STARD13: variants seen among roughly 807,000 people sequenced by gnomAD.
The protein encoded by STARD13 is StAR related lipid transfer domain containing 13.
Under a neutral mutation model 106.4 loss-of-function variants are expected in STARD13, and 62 were observed. The ratio of observed to expected loss-of-function variants is 0.58; its 90% CI spans 0.48 to 0.72. The LOEUF is 0.72. STARD13 is among the 30% of genes least tolerant of loss of function. STARD13 has a pLI of 0.00. For synonymous variants in STARD13, 565 were observed against 553.0 expected (o/e 1.02, Z -0.31); for missense variants, 1,387 against 1,424.0 (o/e 0.97, Z 0.42).
chr13:33,464,016 A>C, the STARD13 span, among the ~76,000 whole-genome samples: 33,588 of 129,094 alleles, frequency 0.26, 4,455 homozygotes, highest in Non-Finnish European at 0.35. Context: ...CGTCTCAAAA[A>C]AAAAATACAT....
At chr13:33,415,724 CA>C in the STARD13 span, among the ~76,000 whole-genome samples, 1 of 151,820 alleles carries the variant, frequency 6.6e-6, no homozygotes, top group African/African-American at 2.4e-5. Flanking sequence ...AAATAAAGGC[CA>C]AAAGCTTATA....
chr13:33,439,743 A>C, the STARD13 span: 1 of 1,207,850 alleles, frequency 8.3e-7, no homozygotes, highest in Non-Finnish European at 1.1e-6. Context: ...AAACAGTATC[A>C]CTCTTAATAT....
chr13:33,499,614 T>C, the STARD13 span, among the ~76,000 whole-genome samples: 4 of 79,012 alleles, frequency 5.1e-5, no homozygotes, highest in Admixed American at 1.3e-4. Flanking sequence ...TTTCTTCTTC[T>C]TCTTCTTCTT....
chr13:33,342,635 A>G (rs754701231), intron 1 of STARD13, among the ~76,000 whole-genome samples: 1 of 151,872 alleles, frequency 6.6e-6, no homozygotes, highest in Admixed American at 6.6e-5. Flanking sequence ...GGCAAGAGCT[A>G]TCTTCCCGCC....
the STARD13 span, among the ~76,000 whole-genome samples, chr13:33,670,042 T>C: frequency 6.6e-6 from 1 of 152,038 alleles, no homozygotes; most frequent in African/African-American, 2.4e-5. Context: ...ACTTTTGGAG[T>C]GGGAAGTGTT....
chr13:33,408,629 A>G, the STARD13 span, among the ~76,000 whole-genome samples: 1 of 152,166 alleles, frequency 6.6e-6, no homozygotes, highest in South Asian at 2.1e-4. Context: ...CAAAGGTACA[A>G]CAATGTATAT....
chr13:33,642,059 CCTT>C, the STARD13 span, among the ~76,000 whole-genome samples: 3 of 152,090 alleles, frequency 2.0e-5, no homozygotes, highest in Non-Finnish European at 2.9e-5. Context: ...TTGTGTCTTC[CCTT>C]CTTTTCTTTC....
chr13:33,375,281 CTAAG>C, the STARD13 span, among the ~76,000 whole-genome samples: 2 of 152,006 alleles, frequency 1.3e-5, no homozygotes, highest in Non-Finnish European at 2.9e-5. Context: ...AAAGGGAAGA[CTAAG>C]TGAGGGGACA....
the STARD13 span, among the ~76,000 whole-genome samples, chr13:33,519,654 T>A: frequency 1.3e-5 from 2 of 152,088 alleles, no homozygotes; most frequent in African/African-American, 4.8e-5. Flanking sequence ...CATTACATAA[T>A]TTTTTTAGCA....
upstream of STARD13, chr13:33,350,783 C>T: frequency 2.4e-6 from 1 of 423,610 alleles, no homozygotes; most frequent in Non-Finnish European, 3.2e-6. Context: ...CTTCCCCTTC[C>T]CTCCCTCGCC....
chr13:33,432,089 TA>T, the STARD13 span, among the ~76,000 whole-genome samples: 1 of 151,614 alleles, frequency 6.6e-6, no homozygotes, highest in Admixed American at 6.6e-5. Flanking sequence ...CAAGGAAAAA[TA>T]GGGGTGATTA....
the STARD13 span, among the ~76,000 whole-genome samples, chr13:33,599,867 C>CA: frequency 6.6e-6 from 1 of 152,204 alleles, no homozygotes; most frequent in Admixed American, 6.5e-5. Context: ...TGATGGATTA[C>CA]AACCATTAGC....
the STARD13 span, among the ~76,000 whole-genome samples, chr13:33,573,809 G>C: frequency 6.6e-6 from 1 of 152,104 alleles, no homozygotes; most frequent in Non-Finnish European, 1.5e-5. Context: ...GGACCGTCTC[G>C]CTGGGTGTTA....
intron 3 of STARD13, chr13:33,158,755 G>A (rs560970289): frequency 5.3e-5 from 8 of 152,146 alleles, no homozygotes; most frequent in Non-Finnish European, 1.0e-4. Context: ...GCCGTTCCCC[G>A]CGGACTGGAG....
downstream of STARD13, among the ~76,000 whole-genome samples, chr13:33,347,713 G>A (rs780326753): frequency 6.6e-6 from 1 of 152,160 alleles, no homozygotes; most frequent in Non-Finnish European, 1.5e-5. Context: ...ATCCAGGTTT[G>A]TGTAAATACA....
chr13:33,499,082 G>C, the STARD13 span, among the ~76,000 whole-genome samples: 1 of 152,198 alleles, frequency 6.6e-6, no homozygotes, highest in African/African-American at 2.4e-5. Flanking sequence ...AAGCAGCAGT[G>C]AGCCAAGATC....
At chr13:33,635,684 A>AC in the STARD13 span, among the ~76,000 whole-genome samples, 1 of 148,454 alleles carries the variant, frequency 6.7e-6, no homozygotes, top group African/African-American at 2.5e-5. Context: ...AAACAAACAA[A>AC]AAAAACACTT....
intron 1 of STARD13, among the ~76,000 whole-genome samples, chr13:33,338,960 G>A (rs2077928892): frequency 2.0e-5 from 3 of 151,956 alleles, no homozygotes; most frequent in Non-Finnish European, 1.5e-5. Flanking sequence ...GAAATGGGTG[G>A]TTTCGGGTGG....
At chr13:33,342,117 T>C (rs1386683349) in intron 1 of STARD13, among the ~76,000 whole-genome samples, 2 of 152,150 alleles carry the variant, frequency 1.3e-5, no homozygotes, top group African/African-American at 4.8e-5. Flanking sequence ...ATTTAAGACA[T>C]TGGTTATCTA....
Sources: allele counts gnomAD v4.1 joint callset (sites outside exome capture counted in the v4.1 genomes callset), GRCh38; gene constraint gnomAD v4.1.1; transcripts MANE v1.5; gene names NCBI Gene and HGNC (gene_info 2026-07-23, HGNC 2026-07-21).